Variants in LRP5 observed in about 807,000 individuals in gnomAD.
LRP5 encodes low-density lipoprotein receptor-related protein 5.
Under a neutral mutation model 154.1 loss-of-function variants are expected in LRP5, and 62 were observed. The observed-to-expected ratio is 0.40, with a 90% CI of 0.33 to 0.50. The LOEUF is 0.50. Among genes scored for constraint, LRP5 ranks in the 20% least tolerant of loss-of-function variants. The pLI, the probability that LRP5 is intolerant of heterozygous loss-of-function variation, is 0.55. For synonymous variants in LRP5, 966 were observed against 1,011.5 expected, an observed-to-expected ratio of 0.96 and a Z score of 0.85; for missense variants, 1,915 against 2,336.7, an observed-to-expected ratio of 0.82 and a Z score of 3.72.
chr11:68,395,318 A>AAG (rs1405880366), intron 7 of LRP5, among the ~76,000 whole-genome samples: 2 of 149,770 alleles, frequency 1.3e-5, no homozygotes, highest in Admixed American at 6.7e-5. Context: ...AAAAAAAAAA[A>AAG]GATAAAAAGA....
At chr11:68,404,029 T>G (rs1210366882) in intron 8 of LRP5, 2 of 465,308 alleles carry the variant, frequency 4.3e-6, no homozygotes, top group African/African-American at 3.9e-5. Context: ...CTACTCGCAC[T>G]GGGGAGCAGG....
chr11:68,346,657 G>A (rs2098613213), intron 1 of LRP5, among the ~76,000 whole-genome samples: 1 of 152,222 alleles, frequency 6.6e-6, no homozygotes. Context: ...TGCGCAGGAG[G>A]ACCCAGGGGT....
chr11:68,376,506 T>G (rs2153146803), intron 5 of LRP5, among the ~76,000 whole-genome samples: 1 of 152,242 alleles, frequency 6.6e-6, no homozygotes, highest in South Asian at 2.1e-4. Flanking sequence ...TAAATGGGCC[T>G]GAGGCACACG....
rs869286608 is a variant in LRP5 at position 68,427,971 on chromosome 11, TTTTTTTTATTTATTTATTTA to T, written c.3638-1600_3638-1581del. Among the ~76,000 whole-genome samples, 18 of 44,254 alleles carry T rather than the reference TTTTTTTTATTTATTTATTTA, an allele frequency of 4.1e-4. 3 individuals are homozygous for T. The highest frequency in any genetic ancestry group is 5.7e-4 in the African/African-American group (12 of 20,972). 29.0% of individuals were successfully genotyped at this position (44,254 alleles called of 152,430 possible). A position where few individuals can be genotyped will look rare whatever the true frequency, so the allele number is the denominator to read the frequency against. ...TTTTATTTTATTTTATTTTATTTTA[TTTTTTTTATTTATTTATTTA>T]TTTATTTATTTATTTATTGAGATGG... On this transcript the variant is annotated intron_variant, in intron 16 of 22. Coordinates refer to ENST00000294304, the MANE Select transcript of LRP5 (RefSeq NM_002335.4).
At chr11:68,375,771 G>C (rs2098637002) in intron 5 of LRP5, among the ~76,000 whole-genome samples, 1 of 152,250 alleles carries the variant, frequency 6.6e-6, no homozygotes, top group Non-Finnish European at 1.5e-5. Flanking sequence ...CCCCGTCTCT[G>C]TGCCACCTCT....
Position 68,363,606 on chromosome 11 carries a change from G to A in LRP5, c.687-141G>A, listed in dbSNP as rs1469469561. On this transcript the variant is annotated intron_variant, in intron 3 of 22. Transcript: ENST00000294304. ...CGGGAGGCGGAGGTTGCAGTGAGCT[G>A]AGATTACATCACTGCACTCCAGCCT... The A allele has an allele frequency of 4.2e-6, 3 of 717,954 alleles. No homozygotes were observed. The East Asian group carries it at 8.2e-5, about 20-fold the overall frequency. 44.5% of individuals were successfully genotyped at this position (717,954 alleles called of 1,614,324 possible). A position where few individuals can be genotyped will look rare whatever the true frequency, so the allele number is the denominator to read the frequency against.
chr11:68,369,223 T>C (rs2098632766), intron 5 of LRP5, among the ~76,000 whole-genome samples: 1 of 152,176 alleles, frequency 6.6e-6, no homozygotes, highest in African/African-American at 2.4e-5. Flanking sequence ...GTTTTTGCCA[T>C]TTCTGAGTCT....
chr11:68,415,016 C>T (rs192810259), intron 12 of LRP5, among the ~76,000 whole-genome samples: 57 of 152,332 alleles, frequency 3.7e-4, no homozygotes, highest in African/African-American at 1.3e-3. Context: ...GTCCTGTGGC[C>T]GGCAGTACCT....
chr11:68,423,781 C>A lies in LRP5; in HGVS notation c.3236+84C>A. On this transcript the variant is annotated intron_variant, in intron 14 of 22. Transcript: ENST00000294304. This position sits in a 1 kb window ranked among gnomAD's most constrained non-coding sequence, Gnocchi z 4.7. The stretch of plus-strand genomic sequence containing the variant: ...CTGCCGAATGCCAGCCTCTCACAGG[C>A]TGGGGAGACTTTCCACCCTGGGGAT... 7.3e-7 allele frequency: 1 copy of A among 1,370,992 alleles called. No homozygotes were observed. The highest frequency in any genetic ancestry group is 1.0e-6 in the Non-Finnish European group (1 of 994,276). The allele number at this position is 1,370,992 out of a possible 1,614,324, so 84.9% of individuals were successfully genotyped here. A position where few individuals can be genotyped will look rare whatever the true frequency, so the allele number is the denominator to read the frequency against.
intron 13 of LRP5, among the ~76,000 whole-genome samples, chr11:68,421,674 T>A (rs1267226760): frequency 6.7e-6 from 1 of 150,072 alleles, no homozygotes; most frequent in Non-Finnish European, 1.5e-5. Context: ...TCTTTGCAGC[T>A]GCCCAGCAAG....
At chr11:68,396,348 G>A (rs2098649346) in intron 7 of LRP5, among the ~76,000 whole-genome samples, 1 of 152,196 alleles carries the variant, frequency 6.6e-6, no homozygotes, top group Non-Finnish European at 1.5e-5. Flanking sequence ...CCTTTGCTGG[G>A]GAGTGGTGGG....
upstream of LRP5, among the ~76,000 whole-genome samples, chr11:68,307,640 A>G (rs757522403): frequency 6.6e-6 from 1 of 152,148 alleles, no homozygotes; most frequent in Non-Finnish European, 1.5e-5. Context: ...CCTGGGCAAC[A>G]GAGTGAAACC....
intron 2 of LRP5, among the ~76,000 whole-genome samples, chr11:68,350,611 A>C (rs983567318): frequency 6.6e-6 from 1 of 152,252 alleles, no homozygotes; most frequent in Non-Finnish European, 1.5e-5. Context: ...GCTGGTTGCC[A>C]GATCCTGCAG....
intron 21 of LRP5, among the ~76,000 whole-genome samples, chr11:68,443,544 CATATATATATATATATAT>C (rs1157048489): frequency 4.5e-5 from 1 of 22,324 alleles, no homozygotes; most frequent in East Asian, 1.6e-3. Flanking sequence ...TCTTTTATGG[CATATATATATATATATAT>C]ATATATATAT....
chr11:68,346,109 A>T (rs185313547), intron 1 of LRP5, among the ~76,000 whole-genome samples: 1 of 152,156 alleles, frequency 6.6e-6, no homozygotes, highest in Admixed American at 6.5e-5. Flanking sequence ...ATTTTCTCTC[A>T]TTCTGTGGGT....
chr11:68,341,801 C>G (rs963511772), intron 1 of LRP5, among the ~76,000 whole-genome samples: 1 of 152,190 alleles, frequency 6.6e-6, no homozygotes, highest in Admixed American at 6.5e-5. Context: ...CGACCCACTT[C>G]ACCCTGCACC....
In LRP5 at chr11:68,410,159, C is replaced by A; in HGVS notation, c.2318+19C>A. The A allele has an allele frequency of 6.2e-7, 1 of 1,602,606 alleles. No homozygotes were observed. Among genetic ancestry groups the A allele is most frequent in the Non-Finnish European group, 8.5e-7 (1 of 1,171,272 alleles). ...CCAAGGGGTAAGTGTTTGCCTGTCC[C>A]GTGCGTCCTTGTGTTCACCTCGTAT... On this transcript the variant is annotated intron_variant, in intron 10 of 22. Coordinates refer to ENST00000294304, the MANE Select transcript of LRP5 (RefSeq NM_002335.4).
Position 68,448,833 on chromosome 11 carries a change from G to T in LRP5, c.4611G>T (p.Ala1537=), listed in dbSNP as rs763403461. ...PYRPYIIRGM[A]PPTTPCSTDV... is the part of the protein sequence containing the mutation. ...GGCCCTACATCATTCGAGGAATGGCGCCCCCGACGACGCCCTGCAGCACCG... is the reference window on the plus strand; with the variant it reads ...GGCCCTACATCATTCGAGGAATGGCTCCCCCGACGACGCCCTGCAGCACCG... The change falls in exon 23 of 23, where the codon GCG becomes GCT. Residue 1537 remains alanine, a synonymous_variant. Transcript: ENST00000294304. 1 of 1,608,418 alleles carries T rather than the reference G, an allele frequency of 6.2e-7. No homozygotes were observed. Among genetic ancestry groups the T allele is most frequent in the Non-Finnish European group, 8.5e-7 (1 of 1,179,948 alleles).
At chr11:68,352,304 G>A (rs1385440930) in intron 2 of LRP5, among the ~76,000 whole-genome samples, 2 of 152,166 alleles carry the variant, frequency 1.3e-5, no homozygotes, top group Admixed American at 6.5e-5. Context: ...AGGTTGGCAC[G>A]GTGCCACTCT....
Sources: gnomAD v4.1 joint callset for allele counts (sites outside exome capture counted in the v4.1 genomes callset) on GRCh38, gnomAD v4.1.1 for gene constraint, Gnocchi (gnomAD v3.1) non-coding constraint, MANE v1.5 for transcripts, NCBI Gene and HGNC (gene_info 2026-07-23, HGNC 2026-07-21) for gene names.